The following TEKTIP1 variants were observed in gnomAD, a reference collection of about 807,000 sequenced individuals.
The protein encoded by TEKTIP1 is tektin bundle-interacting protein 1.
the TEKTIP1 span, chr19:3,541,759 G>A: frequency 1.9e-5 from 19 of 985,262 alleles, no homozygotes; most frequent in South Asian, 4.7e-5. Context: ...AGGTGGGTAC[G>A]GGGCCGACAG....
chr19:3,543,871 C>T, the TEKTIP1 span: 4 of 1,549,584 alleles, frequency 2.6e-6, no homozygotes, highest in Non-Finnish European at 3.5e-6. Context: ...CTGTGGAGGG[C>T]ATCAGACTAC....
chr19:3,543,472 G>A, the TEKTIP1 span: 97 of 1,534,192 alleles, frequency 6.3e-5, no homozygotes, highest in East Asian at 1.2e-4. Context: ...GCATGCCATC[G>A]GGTGAGTGCC....
chr19:3,542,980 G>A, the TEKTIP1 span: 1 of 1,571,798 alleles, frequency 6.4e-7, no homozygotes, highest in Non-Finnish European at 8.7e-7. Flanking sequence ...AAGAAAAGCT[G>A]AGAACAGAAA....
At chr19:3,543,934 G>A in the TEKTIP1 span, 88 of 1,551,122 alleles carry the variant, frequency 5.7e-5, no homozygotes, top group Middle Eastern at 1.7e-4. Context: ...CAGAACTACC[G>A]GGAGTGGGTC....
At chr19:3,543,487 C>CA in the TEKTIP1 span, 2 of 1,519,526 alleles carry the variant, frequency 1.3e-6, no homozygotes, top group Admixed American at 2.0e-5. Flanking sequence ...AGTGCCCCCC[C>CA]CCCCGCCCTG....
At chr19:3,543,888 TCC>T in the TEKTIP1 span, 9 of 1,550,524 alleles carry the variant, frequency 5.8e-6, no homozygotes, top group Non-Finnish European at 7.8e-6. Context: ...CTACGTGCCC[TCC>T]CTGTCGGCAC....
the TEKTIP1 span, chr19:3,543,013 T>C: frequency 3.1e-6 from 5 of 1,602,500 alleles, no homozygotes; most frequent in African/African-American, 4.0e-5. Context: ...ACTTGGGTGC[T>C]TGGGGTGCGA....
the TEKTIP1 span, chr19:3,543,795 T>TGG: frequency 6.7e-7 from 1 of 1,498,492 alleles, no homozygotes; most frequent in Non-Finnish European, 9.0e-7. Flanking sequence ...GGCGAGGAGG[T>TGG]GGGGGCACAT....
the TEKTIP1 span, chr19:3,542,886 T>G: frequency 1.4e-6 from 2 of 1,401,926 alleles, no homozygotes; most frequent in Non-Finnish European, 1.9e-6. Context: ...GGAAGGGACT[T>G]GTGGGTCTTG....
At chr19:3,539,294 CCCCT>C in the TEKTIP1 span, 1,045 of 1,262,132 alleles carry the variant, frequency 8.3e-4, no homozygotes, top group Middle Eastern at 1.7e-3. Flanking sequence ...CCCCTCCCAG[CCCCT>C]CCCTCCCTCC....
chr19:3,539,560 T>A, the TEKTIP1 span: 1 of 407,170 alleles, frequency 2.5e-6, no homozygotes. Flanking sequence ...TCCAGGCCTG[T>A]GCGGGGCTGG....
the TEKTIP1 span, chr19:3,543,648 G>T: frequency 6.5e-7 from 1 of 1,543,582 alleles, no homozygotes; most frequent in Admixed American, 2.0e-5. Flanking sequence ...AGCGCGCTGT[G>T]GAAAGACAGG....
At chr19:3,543,953 A>T in the TEKTIP1 span, 1 of 1,550,126 alleles carries the variant, frequency 6.5e-7, no homozygotes, top group Non-Finnish European at 8.7e-7. Context: ...TCCTGGAACC[A>T]TACTGCCCCT....
At chr19:3,542,638 T>C in the TEKTIP1 span, 8 of 1,048,158 alleles carry the variant, frequency 7.6e-6, no homozygotes, top group Admixed American at 6.9e-5. Context: ...CCCCACACCA[T>C]GCCTGGCTTA....
chr19:3,543,638 A>T, the TEKTIP1 span: 1 of 1,542,420 alleles, frequency 6.5e-7, no homozygotes, highest in South Asian at 1.2e-5. Flanking sequence ...CCGGTGGGGG[A>T]GCGCGCTGTG....
the TEKTIP1 span, chr19:3,542,121 G>A: frequency 3.0e-6 from 3 of 985,220 alleles, no homozygotes; most frequent in Non-Finnish European, 3.6e-6. Flanking sequence ...ATTTTGTGCT[G>A]TTTTAATTGT....
chr19:3,543,063 C>T, the TEKTIP1 span: 1 of 1,597,362 alleles, frequency 6.3e-7, no homozygotes, highest in South Asian at 1.1e-5. Flanking sequence ...TCCTCAAGCA[C>T]CCACTCTGGG....
At chr19:3,543,888 T>G in the TEKTIP1 span, 2 of 1,550,524 alleles carry the variant, frequency 1.3e-6, no homozygotes, top group Non-Finnish European at 1.7e-6. Flanking sequence ...CTACGTGCCC[T>G]CCCTGTCGGC....
chr19:3,542,238 A>C, the TEKTIP1 span: 1 of 985,440 alleles, frequency 1.0e-6, no homozygotes, highest in Non-Finnish European at 1.2e-6. Context: ...GGGGTCCCTC[A>C]AACAGGCTCT....
Sources: allele counts gnomAD v4.1 joint callset, GRCh38; gene constraint gnomAD v4.1.1; transcripts MANE v1.5; gene names NCBI Gene and HGNC (gene_info 2026-07-23, HGNC 2026-07-21).